The following ADAM28 variants were observed in gnomAD, a reference collection of about 807,000 sequenced individuals.
The protein encoded by ADAM28 is disintegrin and metalloproteinase domain-containing protein 28.
ADAM28 carries 105 observed loss-of-function variants against 101.2 expected under a neutral mutation model. The observed-to-expected ratio is 1.04, with a 90% CI of 0.89 to 1.22. The LOEUF is 1.22. Among genes scored for constraint, ADAM28 ranks in the 50% most tolerant of loss-of-function variants. The pLI is 0.00. For synonymous variants in ADAM28, 322 were observed against 310.6 expected (o/e 1.04, Z -0.39); for missense variants, 1,028 against 945.4 (o/e 1.09, Z -1.15).
In ADAM28 at chr8:24,351,232, GC is replaced by G. The variant is rs1219770157; in HGVS notation, c.2102del (p.Pro701HisfsTer19). 1 of 1,588,692 alleles carries G rather than the reference GC, an allele frequency of 6.3e-7. No individual in the cohort carries two copies. Among genetic ancestry groups the G allele is most frequent in the South Asian group, 1.2e-5 (1 of 86,572 alleles). ...GATATCATGTGTTTCTCTCTTACAGGCCACTATCTACCACTGGCACCAGGCC... is the reference window on the plus strand; with the variant it reads ...GATATCATGTGTTTCTCTCTTACAGGCACTATCTACCACTGGCACCAGGCC... ...SREKQKKDQR[P>X]LSTTGTRPHK... On this transcript the variant is annotated frameshift_variant and splice_region_variant, in exon 20 of 23. Transcript: ENST00000265769. LOFTEE classifies it high-confidence loss of function.
At chr8:24,295,176 A>G (rs1227097261) in intron 1 of ADAM28, among the ~76,000 whole-genome samples, 1 of 152,178 alleles carries the variant, frequency 6.6e-6, no homozygotes, top group Non-Finnish European at 1.5e-5. Flanking sequence ...ACTTATAAAA[A>G]TTTCACTTAA....
At chr8:24,325,889 A>AAAAAAAAAAAAAAAAAAAAAAAAC (rs1563297002) in intron 9 of ADAM28, among the ~76,000 whole-genome samples, 2 of 141,924 alleles carry the variant, frequency 1.4e-5, no homozygotes, top group African/African-American at 5.6e-5. Flanking sequence ...AAAAAAAAAA[A>AAAAAAAAAAAAAAAAAAAAAAAAC]AAAAAAAAAA....
rs142648574 is a variant in ADAM28, at chr8:24,348,791, G to C, written c.1991-1073G>C. Among the ~76,000 whole-genome samples, 78 of 152,244 alleles carry C rather than the reference G, an allele frequency of 5.1e-4. No homozygotes were observed. In the East Asian group the frequency reaches 0.015, roughly 29 times the overall value. On this transcript the variant is annotated intron_variant, in intron 18 of 22. Transcript: ENST00000265769. ...GTCCTGTGCCCCAATTTTAGCTCCA[G>C]ACCATGTCTTTTCAAGTTTGGTGTG...
chr8:24,356,963 G>C lies in ADAM28; in HGVS notation c.*2559G>C, dbSNP rs1289784045. 1 of 152,106 alleles carries C rather than the reference G, an allele frequency of 6.6e-6. No individual in the cohort carries two copies. The highest frequency in any genetic ancestry group is 1.5e-5 in the Non-Finnish European group (1 of 67,998). The allele number at this position is 152,106 out of a possible 1,614,324, so 9.4% of individuals were successfully genotyped here. A position where few individuals can be genotyped will look rare whatever the true frequency, so the allele number is the denominator to read the frequency against. On this transcript the variant is annotated 3_prime_UTR_variant, in exon 23 of 23. Coordinates refer to ENST00000265769, the MANE Select transcript of ADAM28 (RefSeq NM_014265.6). ...GGTTGCAGTCAGAGAATATGGAAAG[G>C]GTTATTATTATAATTAGGATTTTAT... is the stretch of plus-strand genomic sequence containing the variant.
intron 14 of ADAM28, among the ~76,000 whole-genome samples, chr8:24,337,366 C>A (rs909741068): frequency 2.6e-5 from 4 of 152,254 alleles, no homozygotes; most frequent in Admixed American, 1.3e-4. Flanking sequence ...TTCTGAGCAT[C>A]ACCTTTATTA....
In ADAM28 at chr8:24,333,170, C is replaced by T. The variant is rs144772997; in HGVS notation, c.1371+421C>T. On this transcript the variant is annotated intron_variant, in intron 13 of 22. Coordinates refer to ENST00000265769, the MANE Select transcript of ADAM28 (RefSeq NM_014265.6). ...GGTGTTTACCAAGGGCAAGGAGGCT[C>T]GGAAAATGGGGAGATGATGGTCAAA... Among the ~76,000 whole-genome samples, 24 of 152,046 alleles carry T rather than the reference C, an allele frequency of 1.6e-4. No individual in the cohort carries two copies. In the East Asian group the frequency reaches 3.5e-3, roughly 22 times the overall value.
At chr8:24,341,896 T>C in intron 16 of ADAM28, 139 bp downstream of exon 16, 1 of 1,001,892 alleles carries the variant, frequency 1.0e-6, no homozygotes, top group Non-Finnish European at 1.5e-6. Flanking sequence ...CCCACAGAGT[T>C]TGAATTTGGA....
At chr8:24,353,980 C>G in intron 22 of ADAM28, 148 bp downstream of exon 22, 1 of 553,404 alleles carries the variant, frequency 1.8e-6, no homozygotes, top group East Asian at 3.0e-5. Context: ...AGTCTTATTT[C>G]TCGGTATGGC....
rs1475092422 is a variant in ADAM28, at chr8:24,357,407, T to TGACTC, written c.*3004_*3008dup. ...AATTTATAAAGAAAGGAGGATTAAT[T>TGACTC]GACTCAGATTTCCACATGGCCTAGG... On this transcript the variant is annotated 3_prime_UTR_variant, in exon 23 of 23. Transcript: ENST00000265769. The TGACTC allele has an allele frequency of 2.0e-5, 3 of 152,182 alleles. No individual in the cohort carries two copies. Among genetic ancestry groups the TGACTC allele is most frequent in the Non-Finnish European group, 4.4e-5 (3 of 68,038 alleles). 9.4% of individuals were successfully genotyped at this position (152,182 alleles called of 1,614,324 possible). A position where few individuals can be genotyped will look rare whatever the true frequency, so the allele number is the denominator to read the frequency against.
At chr8:24,325,542 A>G (rs1812423781) in intron 9 of ADAM28, among the ~76,000 whole-genome samples, 1 of 152,004 alleles carries the variant, frequency 6.6e-6, no homozygotes. Flanking sequence ...ACAAAAATGT[A>G]GAATGAAGTA....
intron 1 of ADAM28, among the ~76,000 whole-genome samples, chr8:24,297,166 T>TTTTTTG (rs372552443): frequency 6.6e-6 from 1 of 151,754 alleles, no homozygotes; most frequent in African/African-American, 2.4e-5. Context: ...TGGGTTTTTT[T>TTTTTTG]TTGTTGTTGT....
In ADAM28 at chr8:24,326,567, G is replaced by A. The variant is rs962801385; in HGVS notation, c.904G>A (p.Ala302Thr). The A allele has an allele frequency of 1.2e-6, 2 of 1,611,772 alleles. No individual in the cohort carries two copies. The highest frequency in any genetic ancestry group is 1.7e-6 in the Non-Finnish European group (2 of 1,178,646). The change falls in exon 10 of 23, where the codon GCT becomes ACT. Residue 302 changes from alanine (A) to threonine (T), a missense_variant. By Grantham distance (58) the Ala-to-Thr change is moderately conservative (BLOSUM62 0). Coordinates refer to ENST00000265769, the MANE Select transcript of ADAM28 (RefSeq NM_014265.6). ...CCTTTCTTGCAGAGCAACAGAACTT[G>A]CTGGAACGACTGTGGGTCTTGCATT... ...IAQLITATELAGTTVGLAFMS... is the reference protein window; with the variant it reads ...IAQLITATELTGTTVGLAFMS...
At position 24,339,514 on chromosome 8, in the gene ADAM28, C is replaced by G; in HGVS notation, c.1616C>G (p.Ser539Ter). 6.2e-7 allele frequency: 1 copy of G among 1,613,338 alleles called. No individual in the cohort carries two copies. The highest frequency in any genetic ancestry group is 8.5e-7 in the Non-Finnish European group (1 of 1,179,616). The change falls in exon 15 of 23, where the codon TCA (serine) becomes TGA (stop). Residue 539 changes from serine to a stop codon, truncating the protein, a stop_gained. Transcript: ENST00000265769. LOFTEE classifies it high-confidence loss of function. ...TGTTACAACAGGAATGAAGGTGGGTCAAAGTACGGGTACTGTCGCAGAGTG... is the reference window on the plus strand; with the variant it reads ...TGTTACAACAGGAATGAAGGTGGGTGAAAGTACGGGTACTGTCGCAGAGTG... ...KSCYNRNEGG[S>*]KYGYCRRVDD...
chr8:24,356,034 A>G lies in ADAM28; in HGVS notation c.*1630A>G. ...TTACCCTTGCAGTATGAGGTTCTAGATAAGCCCACTCTGGCCTCAAAAGTG... is the reference window on the plus strand; with the variant it reads ...TTACCCTTGCAGTATGAGGTTCTAGGTAAGCCCACTCTGGCCTCAAAAGTG... On this transcript the variant is annotated 3_prime_UTR_variant, in exon 23 of 23. Transcript: ENST00000265769. 1 of 152,168 alleles carries G rather than the reference A, an allele frequency of 6.6e-6. No homozygotes were observed. The highest frequency in any genetic ancestry group is 6.6e-5 in the Admixed American group (1 of 15,264). 9.4% of individuals were successfully genotyped at this position (152,168 alleles called of 1,614,324 possible). A position where few individuals can be genotyped will look rare whatever the true frequency, so the allele number is the denominator to read the frequency against.
intron 1 of ADAM28, 98 bp downstream of exon 1, chr8:24,294,293 CT>C (rs1807672557): frequency 1.4e-5 from 20 of 1,424,522 alleles, no homozygotes; most frequent in Non-Finnish European, 1.9e-5. Context: ...TGACTTTTTT[CT>C]TTTTCTTTTT....
chr8:24,296,349 G>A (rs1807963373), intron 1 of ADAM28: 2 of 152,146 alleles, frequency 1.3e-5, no homozygotes, highest in Admixed American at 1.3e-4. Flanking sequence ...TTTAATGCAT[G>A]AAGTTTAAAA....
At chr8:24,330,211 A>G in intron 11 of ADAM28, 96 bp downstream of exon 11, 1 of 1,429,558 alleles carries the variant, frequency 7.0e-7, no homozygotes, top group East Asian at 2.4e-5. Flanking sequence ...AACGTGTTCG[A>G]GTTTTTGAGT....
chr8:24,351,851 T>A, intron 20 of ADAM28, 136 bp from the exon 21 acceptor site: 1 of 735,780 alleles, frequency 1.4e-6, no homozygotes, highest in Non-Finnish European at 2.2e-6. Flanking sequence ...AGGACCACTG[T>A]GATTTTCTAT....
chr8:24,341,794 T>G lies in ADAM28; in HGVS notation c.1830+37T>G, dbSNP rs749682890. ...TTGTGGCTTTCACTCAAAATAGTGTTTTTTACTTTGGTGTGCTTTGTTGTT... is the reference window on the plus strand; with the variant it reads ...TTGTGGCTTTCACTCAAAATAGTGTGTTTTACTTTGGTGTGCTTTGTTGTT... On this transcript the variant is annotated intron_variant, in intron 16 of 22. Coordinates refer to ENST00000265769, the MANE Select transcript of ADAM28 (RefSeq NM_014265.6). 3.7e-6 allele frequency: 6 copies of G among 1,612,490 alleles called. No homozygotes were observed. The African/African-American group carries it at 8.0e-5, about 22-fold the overall frequency.
Sources: gnomAD v4.1 joint callset for allele counts (sites outside exome capture counted in the v4.1 genomes callset) on GRCh38, gnomAD v4.1.1 for gene constraint, MANE v1.5 for transcripts, NCBI Gene and HGNC (gene_info 2026-07-23, HGNC 2026-07-21) for gene names.